The following RFX4 variants were observed in gnomAD, a reference collection of about 807,000 sequenced individuals.
RFX4 encodes transcription factor RFX4.
In RFX4, 10 loss-of-function variants were observed where a neutral mutation model predicts 95.0. The ratio of observed to expected loss-of-function variants is 0.11; its 90% CI spans 0.06 to 0.18. The LOEUF (loss-of-function observed/expected upper bound fraction) is 0.18. RFX4 is among the 10% of genes least tolerant of loss of function. RFX4 has a pLI of 1.00. For synonymous variants in RFX4, 321 were observed against 340.7 expected (o/e 0.94, Z 0.64); for missense variants, 640 against 922.0 (o/e 0.69, Z 3.96).
At chr12:106,634,202 T>C (rs1233402465) in intron 2 of RFX4, among the ~76,000 whole-genome samples, 1 of 152,206 alleles carries the variant, frequency 6.6e-6, no homozygotes, top group Admixed American at 6.5e-5. Context: ...TAAAGCAACG[T>C]TATTTTTTAA....
chr12:106,664,937 TC>T, intron 4 of RFX4, among the ~76,000 whole-genome samples: 1 of 151,986 alleles, frequency 6.6e-6, no homozygotes, highest in East Asian at 1.9e-4. Context: ...CAGAATGTGA[TC>T]TATCTTGATG....
intron 13 of RFX4, among the ~76,000 whole-genome samples, chr12:106,724,080 G>A (rs1024681210): frequency 6.6e-6 from 1 of 152,164 alleles, no homozygotes. Context: ...ACACAACCCC[G>A]TGAGGTCTGA....
chr12:106,732,824 G>T (rs2042638436), intron 14 of RFX4, 100 bp from the exon 15 acceptor site: 1 of 1,177,492 alleles, frequency 8.5e-7, no homozygotes, highest in Non-Finnish European at 1.2e-6. Context: ...ACAAGAGAGT[G>T]ACATCACACA....
At chr12:106,723,777 G>T (rs779731713) in intron 13 of RFX4, among the ~76,000 whole-genome samples, 1 of 152,090 alleles carries the variant, frequency 6.6e-6, no homozygotes, top group Non-Finnish European at 1.5e-5. Context: ...CTTAATGTTC[G>T]CAATGTCATT....
At chr12:106,588,062 C>T (rs755091047) in intron 1 of RFX4, among the ~76,000 whole-genome samples, 6 of 152,152 alleles carry the variant, frequency 3.9e-5, no homozygotes, top group Non-Finnish European at 7.4e-5. Context: ...AGACATTTCC[C>T]TCTATTCCTT....
At chr12:106,636,390 C>CAAAAA (rs34305367) in intron 2 of RFX4, among the ~76,000 whole-genome samples, 10 of 76,814 alleles carry the variant, frequency 1.3e-4, no homozygotes, top group East Asian at 8.4e-4. Flanking sequence ...AACTCTGTCT[C>CAAAAA]AAAAAAAAAA....
intron 4 of RFX4, among the ~76,000 whole-genome samples, chr12:106,677,340 C>T (rs2041412743): frequency 6.6e-6 from 1 of 151,972 alleles, no homozygotes; most frequent in Non-Finnish European, 1.5e-5. Flanking sequence ...ATTCCAGGCA[C>T]AGGGAACAGC....
intron 2 of RFX4, among the ~76,000 whole-genome samples, chr12:106,617,175 T>C (rs1390904675): frequency 6.6e-6 from 1 of 152,202 alleles, no homozygotes; most frequent in African/African-American, 2.4e-5. Flanking sequence ...TTATCAATTT[T>C]ATTAGTCTTT....
chr12:106,626,637 G>A lies in RFX4; in HGVS notation c.131-12695G>A, dbSNP rs758071290. Among the ~76,000 whole-genome samples, 122 of 152,292 alleles carry A rather than the reference G, an allele frequency of 8.0e-4. 1 individual carries two copies. The highest frequency in any genetic ancestry group is 1.9e-4 in the Non-Finnish European group (13 of 68,014). On this transcript the variant is annotated intron_variant, in intron 2 of 17. Transcript: ENST00000392842. Reference sequence around the variant, plus strand: ...CTATGCAGGTGGATTCAAGCCAGCAGACACATCAGGGCTGCTACCTACTCC... The same window carrying A: ...CTATGCAGGTGGATTCAAGCCAGCAAACACATCAGGGCTGCTACCTACTCC...
intron 8 of RFX4, among the ~76,000 whole-genome samples, chr12:106,700,212 ATGTAGAGATGGGGTCT>A (rs2041958818): frequency 6.6e-6 from 1 of 151,558 alleles, no homozygotes; most frequent in Admixed American, 6.6e-5. Flanking sequence ...TTTTACTTTT[ATGTAGAGATGGGGTCT>A]TGCCATGTTT....
chr12:106,756,564 GAAA>G (rs66999948), intron 17 of RFX4, among the ~76,000 whole-genome samples: 2 of 148,418 alleles, frequency 1.3e-5, no homozygotes, highest in South Asian at 4.3e-4. Flanking sequence ...GGGCCAAAAA[GAAA>G]AAAAAAAAAT....
intron 7 of RFX4, 128 bp from the exon 8 acceptor site, chr12:106,696,155 T>C: frequency 9.4e-7 from 1 of 1,067,002 alleles, no homozygotes; most frequent in Non-Finnish European, 1.4e-6. Flanking sequence ...AGGCTGGGGG[T>C]GACTTCTGCT....
intron 13 of RFX4, among the ~76,000 whole-genome samples, chr12:106,723,014 G>A (rs1188717925): frequency 1.3e-5 from 2 of 152,246 alleles, no homozygotes; most frequent in Non-Finnish European, 2.9e-5. Context: ...AATGGGTACA[G>A]GGTTTGTGTG....
chr12:106,759,652 AG>A (rs2043175291), intron 17 of RFX4, among the ~76,000 whole-genome samples: 1 of 152,094 alleles, frequency 6.6e-6, no homozygotes, highest in African/African-American at 2.4e-5. Context: ...GGTATGCGCC[AG>A]TGTTTCTGAT....
intron 2 of RFX4, among the ~76,000 whole-genome samples, chr12:106,615,391 T>C (rs2040053614): frequency 6.6e-6 from 1 of 152,196 alleles, no homozygotes; most frequent in African/African-American, 2.4e-5. Context: ...ATAAAATAAG[T>C]CGTGATATCT....
In RFX4 at chr12:106,639,387, G is replaced by A. The variant is rs376043377; in HGVS notation, c.186G>A (p.Leu62=). ...AGCCCCACTCCACTCCTGCTACTCT[G>A]CAATGGTAAGTTTCCATTTTTAGCA... The part of the protein sequence containing the change: ...ASKPHSTPAT[L]QWLEENYEIA... Residue 62 remains leucine (L), a synonymous_variant, in exon 3 of 18, where the codon CTG becomes CTA. Coordinates refer to ENST00000392842, the MANE Select transcript of RFX4 (RefSeq NM_213594.3). The A allele has an allele frequency of 2.8e-5, 45 of 1,613,446 alleles. No individual in the cohort carries two copies. Among genetic ancestry groups the A allele is most frequent in the Non-Finnish European group, 3.6e-5 (42 of 1,179,754 alleles).
At chr12:106,587,842 G>A (rs2039484096) in intron 1 of RFX4, among the ~76,000 whole-genome samples, 1 of 152,236 alleles carries the variant, frequency 6.6e-6, no homozygotes, top group Non-Finnish European at 1.5e-5. Flanking sequence ...AGAAGGGAGC[G>A]TCTGGCCAGA....
At chr12:106,730,871 G>A (rs566273386) in intron 13 of RFX4, among the ~76,000 whole-genome samples, 4 of 152,198 alleles carry the variant, frequency 2.6e-5, no homozygotes, top group South Asian at 2.1e-4. Flanking sequence ...ATGGTGGCAC[G>A]CACCTATCAT....
chr12:106,697,602 C>T (rs1471567252), intron 8 of RFX4, among the ~76,000 whole-genome samples: 1 of 152,068 alleles, frequency 6.6e-6, no homozygotes, highest in Non-Finnish European at 1.5e-5. Flanking sequence ...AGGGTTGGTT[C>T]CTTACTGAGG....
Sources: gnomAD v4.1 joint callset for allele counts (sites outside exome capture counted in the v4.1 genomes callset) on GRCh38, gnomAD v4.1.1 for gene constraint, MANE v1.5 for transcripts, NCBI Gene and HGNC (gene_info 2026-07-23, HGNC 2026-07-21) for gene names.